The following NDST1 variants were observed in gnomAD, a reference collection of about 807,000 sequenced individuals.
The protein encoded by NDST1 is N-deacetylase and N-sulfotransferase 1.
A neutral mutation model predicts 92.8 loss-of-function variants in NDST1; 35 were observed. The observed-to-expected ratio is 0.38, with a 90% confidence interval of 0.29 to 0.50. The LOEUF is 0.50. NDST1 is among the 20% of genes least tolerant of loss of function. NDST1 has a pLI of 0.94. For missense variants in NDST1, 822 were observed against 1,182.7 expected (o/e 0.69, Z 4.47); for synonymous variants, 493 against 500.3 (o/e 0.99, Z 0.19).
intron 8 of NDST1, 120 bp from the exon 9 acceptor site, chr5:150,541,450 A>G: frequency 1.2e-6 from 1 of 851,014 alleles, no homozygotes. Flanking sequence ...TGTGACAAGG[A>G]CACATGTAGC....
At chr5:150,549,928 CAT>C in intron 13 of NDST1, 141 bp downstream of exon 13, 2 of 693,904 alleles carry the variant, frequency 2.9e-6, no homozygotes, top group Non-Finnish European at 5.3e-6. Flanking sequence ...TGACTTAAGT[CAT>C]ATTAATAAAG....
At chr5:150,546,987 T>C (rs994977384) in intron 11 of NDST1, among the ~76,000 whole-genome samples, 1 of 152,148 alleles carries the variant, frequency 6.6e-6, no homozygotes, top group East Asian at 1.9e-4. Flanking sequence ...TGGGGGAACG[T>C]AGGGTAGAGA....
At chr5:150,536,584 T>C (rs1379185482) in intron 6 of NDST1, among the ~76,000 whole-genome samples, 4 of 152,148 alleles carry the variant, frequency 2.6e-5, no homozygotes, top group African/African-American at 9.7e-5. Flanking sequence ...TTCTTCTTTT[T>C]TGAGACAGAG....
At chr5:150,511,776 G>A (rs1162860247) in intron 1 of NDST1, among the ~76,000 whole-genome samples, 1 of 152,178 alleles carries the variant, frequency 6.6e-6, no homozygotes, top group Non-Finnish European at 1.5e-5. Flanking sequence ...AGCAGAGGAA[G>A]GGATTTGCTT....
At position 150,542,853 on chromosome 5, in the gene NDST1, A is replaced by G. The variant is rs769407428; in HGVS notation, c.1852A>G (p.Thr618Ala). The change falls in exon 10 of 15, where the codon ACT becomes GCT. Residue 618 changes from threonine to alanine, a missense_variant. Coordinates refer to ENST00000261797, the MANE Select transcript of NDST1 (RefSeq NM_001543.5). ...GGTGTCTACCCTCCCCACAGGCACCACTGCCCTCTACCTGTTCCTGGGCAT... is the reference window on the plus strand; with the variant it reads ...GGTGTCTACCCTCCCCACAGGCACCGCTGCCCTCTACCTGTTCCTGGGCAT... ...LIIGPQKTGTTALYLFLGMHP... is the reference protein window; with the variant it reads ...LIIGPQKTGTAALYLFLGMHP... The G allele has an allele frequency of 1.9e-6, 3 of 1,614,134 alleles. 1 individual carries two copies. The South Asian group carries it at 3.3e-5, about 18-fold the overall frequency.
Position 150,520,977 on chromosome 5 carries a change from C to T in NDST1, c.-278C>T. The stretch of plus-strand genomic sequence containing the variant: ...CCCAGAAGGCCCTGACGCCCTGGGG[C>T]ACTTCTGCTCTGCACAGGACCACGC... On this transcript the variant is annotated 5_prime_UTR_variant, in exon 2 of 15. Coordinates refer to ENST00000261797, the MANE Select transcript of NDST1 (RefSeq NM_001543.5). 1 of 560,826 alleles carries T rather than the reference C, an allele frequency of 1.8e-6. No individual in the cohort carries two copies. The highest frequency in any genetic ancestry group is 3.1e-6 in the Non-Finnish European group (1 of 318,192). The allele number at this position is 560,826 out of a possible 1,614,324, so 34.7% of individuals were successfully genotyped here. A position where few individuals can be genotyped will look rare whatever the true frequency, so the allele number is the denominator to read the frequency against.
intron 1 of NDST1, among the ~76,000 whole-genome samples, chr5:150,513,333 A>G (rs899607576): frequency 1.3e-5 from 2 of 152,154 alleles, no homozygotes; most frequent in Non-Finnish European, 2.9e-5. Context: ...TCTACTAAAA[A>G]TACAAAAATT....
upstream of NDST1, among the ~76,000 whole-genome samples, chr5:150,504,804 A>G (rs1753376719): frequency 6.6e-6 from 1 of 152,224 alleles, no homozygotes; most frequent in Non-Finnish European, 1.5e-5. Flanking sequence ...TGCAGAGTAC[A>G]ACACCTGGTA....
intron 12 of NDST1, among the ~76,000 whole-genome samples, chr5:150,549,126 C>T (rs1166998713): frequency 6.6e-6 from 1 of 152,240 alleles, no homozygotes; most frequent in East Asian, 1.9e-4. Context: ...TTTCTTCCAC[C>T]TCAGCCTCCC....
chr5:150,542,590 G>A (rs1005346171), intron 9 of NDST1, among the ~76,000 whole-genome samples: 1 of 152,208 alleles, frequency 6.6e-6, no homozygotes, highest in African/African-American at 2.4e-5. Flanking sequence ...CCACGTCCTC[G>A]TTTAGTGAAG....
intron 12 of NDST1, 68 bp from the exon 13 acceptor site, chr5:150,549,610 G>A (rs1755635146): frequency 2.2e-6 from 2 of 900,484 alleles, no homozygotes; most frequent in African/African-American, 1.6e-5. Flanking sequence ...CATTCCTGCT[G>A]CCGTGGCTGT....
intron 2 of NDST1, among the ~76,000 whole-genome samples, chr5:150,527,459 G>A (rs1754525256): frequency 6.6e-6 from 1 of 152,204 alleles, no homozygotes; most frequent in African/African-American, 2.4e-5. Flanking sequence ...CAGGATTCAT[G>A]TTCTCAACTG....
chr5:150,516,976 AGTGT>A (rs56170880), intron 1 of NDST1, among the ~76,000 whole-genome samples: 5,506 of 143,662 alleles, frequency 0.038, 108 homozygotes, highest in Admixed American at 0.053. Flanking sequence ...GACATTTTCT[AGTGT>A]GTGTGTGTGT....
At position 150,521,327 on chromosome 5, in the gene NDST1, A is replaced by G. The variant is rs145198292; in HGVS notation, c.73A>G (p.Ile25Val). 3.2e-4 allele frequency: 515 copies of G among 1,613,170 alleles called. 1 individual carries two copies. In the African/African-American group the frequency reaches 5.5e-3, roughly 17 times the overall value. Reference protein sequence around the residue: ...SPQAVLFLLFIFCLFSVFISA... With the variant: ...SPQAVLFLLFVFCLFSVFISA... ...GCAGGCTGTCCTTTTCCTGCTGTTC[A>G]TCTTCTGCCTGTTCAGCGTTTTCAT... The change falls in exon 2 of 15, where the codon ATC becomes GTC. Residue 25 changes from isoleucine to valine, a missense_variant. Ile to Val is a conservative substitution (Grantham distance 29). Coordinates refer to ENST00000261797, the MANE Select transcript of NDST1 (RefSeq NM_001543.5). The surrounding 1 kb of genome is among the most constrained non-coding windows in gnomAD (Gnocchi z 5.9).
chr5:150,544,086 A>G (rs182981415), intron 10 of NDST1, among the ~76,000 whole-genome samples: 1 of 152,138 alleles, frequency 6.6e-6, no homozygotes, highest in Admixed American at 6.5e-5. Context: ...CCATCTACCT[A>G]CATTTCTAAC....
At chr5:150,505,739 T>C (rs1337930302), upstream of NDST1, among the ~76,000 whole-genome samples, 2 of 152,204 alleles carry the variant, frequency 1.3e-5, no homozygotes, top group Admixed American at 1.3e-4. Flanking sequence ...GTCTATGGAA[T>C]CATATGGCAT....
At position 150,542,963 on chromosome 5, in the gene NDST1, C is replaced by T. The variant is rs1755311272; in HGVS notation, c.1962C>T (p.Gly654=). Residue 654 remains glycine, a synonymous_variant, in exon 10 of 15, where the codon GGC becomes GGT. Transcript: ENST00000261797. ...QFFNGHNYHK[G]IDWYMEFFPI... ...TTAATGGCCACAACTATCACAAAGG[C>T]ATCGACTGGTGAGTTGGCCTTTCTG... The T allele has an allele frequency of 6.2e-7, 1 of 1,613,902 alleles. No homozygotes were observed. The highest frequency in any genetic ancestry group is 1.7e-5 in the Admixed American group (1 of 60,006).
chr5:150,529,980 C>A (rs1012781441), intron 3 of NDST1, among the ~76,000 whole-genome samples: 1 of 152,182 alleles, frequency 6.6e-6, no homozygotes, highest in Non-Finnish European at 1.5e-5. Context: ...GAGTTAAGAC[C>A]TAATTTGAAT....
At chr5:150,503,767 G>A (rs1271605760), upstream of NDST1, among the ~76,000 whole-genome samples, 2 of 152,192 alleles carry the variant, frequency 1.3e-5, no homozygotes, top group African/African-American at 4.8e-5. Flanking sequence ...TCATTGGCTT[G>A]GCATGGGCAG....
Sources: allele counts gnomAD v4.1 joint callset (sites outside exome capture counted in the v4.1 genomes callset), GRCh38; gene constraint gnomAD v4.1.1; non-coding constraint Gnocchi (gnomAD v3.1); transcripts MANE v1.5; gene names NCBI Gene and HGNC (gene_info 2026-07-23, HGNC 2026-07-21).